Variants in PTPRN2 observed in about 807,000 individuals in gnomAD.
The protein encoded by PTPRN2 is receptor-type tyrosine-protein phosphatase N2.
Under a neutral mutation model 118.8 loss-of-function variants are expected in PTPRN2, and 74 were observed. That is an observed-to-expected ratio of 0.62 (90% CI 0.52 to 0.76). PTPRN2 has a LOEUF of 0.76. Among genes scored for constraint, PTPRN2 ranks in the 30% least tolerant of loss-of-function variants. The pLI, the probability that PTPRN2 is intolerant of heterozygous loss-of-function variation, is 0.00. For synonymous variants in PTPRN2, 641 were observed against 608.0 expected (o/e 1.05, Z -0.80); for missense variants, 1,481 against 1,394.4 (o/e 1.06, Z -0.99).
At chr7:157,789,612 AGTGT>A (rs768928998) in intron 12 of PTPRN2, among the ~76,000 whole-genome samples, 1 of 152,028 alleles carries the variant, frequency 6.6e-6, no homozygotes, top group Non-Finnish European at 1.5e-5. Context: ...AGCCTTTGAC[AGTGT>A]GTGTGTATGT....
intron 3 of PTPRN2, among the ~76,000 whole-genome samples, chr7:158,266,655 A>G (rs1053036110): frequency 4.6e-5 from 7 of 152,216 alleles, no homozygotes; most frequent in African/African-American, 1.7e-4. Flanking sequence ...GGACAGGCAC[A>G]ACGGCCACTT....
At chr7:158,321,899 G>A (rs10262701) in intron 2 of PTPRN2, among the ~76,000 whole-genome samples, 83,886 of 152,026 alleles carry the variant, frequency 0.55, 23,273 homozygotes, top group South Asian at 0.58. Flanking sequence ...CTTACTGTGC[G>A]TGCCCAAGGA....
At chr7:158,102,128 C>A (rs1291338678) in intron 10 of PTPRN2, among the ~76,000 whole-genome samples, 2 of 152,154 alleles carry the variant, frequency 1.3e-5, no homozygotes, top group East Asian at 1.9e-4. Context: ...TCAGCCCACG[C>A]CTTCACCCTG....
chr7:157,574,379 A>G (rs771552570), intron 19 of PTPRN2: 2 of 533,966 alleles, frequency 3.7e-6, no homozygotes, highest in Admixed American at 3.9e-5. Context: ...AACTGGGCTC[A>G]TATTACTAGC....
At chr7:158,097,418 G>A (rs929569996) in intron 10 of PTPRN2, among the ~76,000 whole-genome samples, 2 of 152,224 alleles carry the variant, frequency 1.3e-5, no homozygotes, top group African/African-American at 4.8e-5. Context: ...TCACACAGAT[G>A]AGAAAGTAAA....
intron 14 of PTPRN2, among the ~76,000 whole-genome samples, chr7:157,623,807 G>A (rs1036710541): frequency 4.6e-5 from 7 of 152,144 alleles, no homozygotes; most frequent in Non-Finnish European, 1.0e-4. Context: ...CTCTGCACAC[G>A]CCACTCCAGT....
intron 21 of PTPRN2, among the ~76,000 whole-genome samples, chr7:157,566,941 G>A (rs901676295): frequency 6.6e-6 from 1 of 152,174 alleles, no homozygotes; most frequent in Non-Finnish European, 1.5e-5. Context: ...AATCACAGGT[G>A]CCCCCAGCAA....
intron 3 of PTPRN2, among the ~76,000 whole-genome samples, chr7:158,265,401 C>T (rs188334762): frequency 3.1e-4 from 47 of 151,740 alleles, no homozygotes; most frequent in African/African-American, 9.9e-4. Flanking sequence ...CACCCACCTG[C>T]GGGCACACAC....
rs1011714949 is a variant in PTPRN2 at position 157,893,089 on chromosome 7, C to T, written c.1788+5584G>A. Among the ~76,000 whole-genome samples, 2 of 152,216 alleles carry T rather than the reference C, an allele frequency of 1.3e-5. No individual in the cohort carries two copies. The highest frequency in any genetic ancestry group is 2.9e-5 in the Non-Finnish European group (2 of 68,050). On this transcript the variant is annotated intron_variant, in intron 12 of 22. Coordinates refer to ENST00000389418, the MANE Select transcript of PTPRN2 (RefSeq NM_002847.5). This position sits in a 1 kb window ranked among gnomAD's most constrained non-coding sequence, Gnocchi z 4.0. ...GGATAATGCTCCAGGAGCTGGTCTCCAGCATTTGGTGGAACGAGAACAAAG... is the reference window on the plus strand; with the variant it reads ...GGATAATGCTCCAGGAGCTGGTCTCTAGCATTTGGTGGAACGAGAACAAAG...
chr7:157,994,515 AC>A (rs1804506735), intron 11 of PTPRN2, among the ~76,000 whole-genome samples: 1 of 130,206 alleles, frequency 7.7e-6, no homozygotes, highest in Admixed American at 7.7e-5. Context: ...TAAAATCAGC[AC>A]CGCATCCCCA....
chr7:158,090,099 C>A lies in PTPRN2; in HGVS notation c.1644-8722G>T, dbSNP rs778461857. On this transcript the variant is annotated intron_variant, in intron 10 of 22. Coordinates refer to ENST00000389418, the MANE Select transcript of PTPRN2 (RefSeq NM_002847.5). ...TGATGAAAGAGGGGGTCTTCACACA[C>A]ATCCTTCTTCCCCTGACAAAAGAGG... 2.7e-3 allele frequency among the ~76,000 whole-genome samples: 85 copies of A among 31,814 alleles called. 26 individuals carry two copies. Among genetic ancestry groups the A allele is most frequent in the African/African-American group, 6.4e-3 (80 of 12,596 alleles). The allele number at this position is 31,814 out of a possible 152,430, so 20.9% of individuals were successfully genotyped here. A position where few individuals can be genotyped will look rare whatever the true frequency, so the allele number is the denominator to read the frequency against.
At chr7:158,284,626 C>G (rs890322041) in intron 3 of PTPRN2, among the ~76,000 whole-genome samples, 2 of 152,256 alleles carry the variant, frequency 1.3e-5, no homozygotes, top group South Asian at 4.1e-4. Flanking sequence ...GTGCCCCTTC[C>G]TGTCCCACTC....
rs540205185 is a variant in PTPRN2, at chr7:158,546,185, C to T, written c.112+41373G>A. Among the ~76,000 whole-genome samples the T allele has an allele frequency of 1.4e-4, 22 of 152,154 alleles. No individual in the cohort carries two copies. The highest frequency in any genetic ancestry group is 3.4e-4 in the African/African-American group (14 of 41,434). On this transcript the variant is annotated intron_variant, in intron 1 of 22. Coordinates refer to ENST00000389418, the MANE Select transcript of PTPRN2 (RefSeq NM_002847.5). This position sits in a 1 kb window ranked among gnomAD's most constrained non-coding sequence, Gnocchi z 5.0. ...ACAGGAAGGGGGAAGGGGCTGGACA[C>T]GGCCTGTCTCCTCCCTGAGAGGAAC...
At chr7:158,333,744 T>A (rs1348729862) in intron 2 of PTPRN2, among the ~76,000 whole-genome samples, 1 of 146,722 alleles carries the variant, frequency 6.8e-6, no homozygotes, top group South Asian at 2.2e-4. Context: ...ACACATACTC[T>A]CACCATAAGA....
intron 22 of PTPRN2, among the ~76,000 whole-genome samples, chr7:157,545,683 C>T (rs1001648810): frequency 9.2e-5 from 14 of 152,038 alleles, no homozygotes; most frequent in Non-Finnish European, 2.1e-4. Context: ...ATTTTCTATT[C>T]GACCCAAATT....
At chr7:158,458,892 T>C (rs1335917999) in intron 2 of PTPRN2, among the ~76,000 whole-genome samples, 1 of 152,132 alleles carries the variant, frequency 6.6e-6, no homozygotes, top group Non-Finnish European at 1.5e-5. Context: ...GACTGCGTGA[T>C]CTTCAGAGGT....
chr7:157,861,666 C>T lies in PTPRN2; in HGVS notation c.1788+37007G>A, dbSNP rs1316917756. ...CAGTCTCACAGGCTGGGTTTGGAGA[C>T]CTTGCTTGGAGGTGTCTGCAGGGCC... On this transcript the variant is annotated intron_variant, in intron 12 of 22. Coordinates refer to ENST00000389418, the MANE Select transcript of PTPRN2 (RefSeq NM_002847.5). The surrounding 1 kb of genome is among the most constrained non-coding windows in gnomAD (Gnocchi z 5.8). Among the ~76,000 whole-genome samples the T allele has an allele frequency of 1.3e-5, 2 of 152,198 alleles. No individual in the cohort carries two copies. Among genetic ancestry groups the T allele is most frequent in the African/African-American group, 2.4e-5 (1 of 41,452 alleles).
intron 13 of PTPRN2, among the ~76,000 whole-genome samples, chr7:157,678,240 T>G (rs1174664692): frequency 6.6e-6 from 1 of 152,178 alleles, no homozygotes; most frequent in African/African-American, 2.4e-5. Flanking sequence ...ACCTGGAAAT[T>G]TAAATATATA....
At chr7:158,514,966 G>T (rs370344282) in intron 1 of PTPRN2, among the ~76,000 whole-genome samples, 3 of 152,278 alleles carry the variant, frequency 2.0e-5, no homozygotes, top group Middle Eastern at 3.4e-3. Context: ...AAAATCATCT[G>T]AAGAAGAGGA....
Sources: allele counts gnomAD v4.1 joint callset (sites outside exome capture counted in the v4.1 genomes callset), GRCh38; gene constraint gnomAD v4.1.1; non-coding constraint Gnocchi (gnomAD v3.1); transcripts MANE v1.5; gene names NCBI Gene and HGNC (gene_info 2026-07-23, HGNC 2026-07-21).